The following GDPD5 variants were observed in gnomAD, a reference collection of about 807,000 sequenced individuals.
GDPD5 encodes glycerophosphodiester phosphodiesterase domain containing 5.
A neutral mutation model predicts 75.1 loss-of-function variants in GDPD5; 48 were observed. The observed-to-expected ratio is 0.64, with a 90% CI of 0.51 to 0.81. The LOEUF is 0.81. Among genes scored for constraint, GDPD5 ranks in the 40% least tolerant of loss-of-function variants. The pLI, the probability that GDPD5 is intolerant of heterozygous loss-of-function variation, is 0.00. For synonymous variants in GDPD5, 336 were observed against 339.0 expected, an observed-to-expected ratio of 0.99 and a Z score of 0.10; for missense variants, 706 against 822.6, an observed-to-expected ratio of 0.86 and a Z score of 1.73.
At chr11:75,486,044 C>T (rs1950016369) in intron 2 of GDPD5, among the ~76,000 whole-genome samples, 1 of 152,176 alleles carries the variant, frequency 6.6e-6, no homozygotes, top group South Asian at 2.1e-4. Flanking sequence ...TGAGTGACTG[C>T]CCCAAGCCTC....
At chr11:75,466,052 T>G (rs1949508387) in intron 3 of GDPD5, among the ~76,000 whole-genome samples, 1 of 152,068 alleles carries the variant, frequency 6.6e-6, no homozygotes, top group Non-Finnish European at 1.5e-5. Flanking sequence ...AGGGCAGGAA[T>G]GAGGGGCTGC....
intron 3 of GDPD5, among the ~76,000 whole-genome samples, chr11:75,465,958 G>T (rs1949506504): frequency 6.6e-6 from 1 of 152,262 alleles, no homozygotes; most frequent in South Asian, 2.1e-4. Context: ...GACCACAGGG[G>T]CCGGGAGGGC....
chr11:75,471,272 T>C (rs1002584860), intron 3 of GDPD5, among the ~76,000 whole-genome samples: 2 of 151,912 alleles, frequency 1.3e-5, no homozygotes, highest in Non-Finnish European at 2.9e-5. Flanking sequence ...TCCGGGAGAT[T>C]TGGGGGAGGT....
At chr11:75,506,053 G>C (rs1442443674) in intron 1 of GDPD5, among the ~76,000 whole-genome samples, 2 of 152,176 alleles carry the variant, frequency 1.3e-5, no homozygotes, top group African/African-American at 4.8e-5. Flanking sequence ...GTCCTCATCT[G>C]CATCATGGGG....
intron 1 of GDPD5, among the ~76,000 whole-genome samples, chr11:75,499,201 T>C (rs1323032630): frequency 1.3e-5 from 2 of 151,934 alleles, no homozygotes; most frequent in African/African-American, 4.8e-5. Flanking sequence ...AAGATCCCCA[T>C]CTTGCAAGCA....
intron 1 of GDPD5, among the ~76,000 whole-genome samples, chr11:75,510,325 G>A (rs891744125): frequency 6.6e-6 from 1 of 152,220 alleles, no homozygotes; most frequent in Non-Finnish European, 1.5e-5. Flanking sequence ...GACCACAAAT[G>A]TGAGGAACCC....
intron 2 of GDPD5, among the ~76,000 whole-genome samples, chr11:75,479,965 T>C (rs960845552): frequency 6.6e-6 from 1 of 152,220 alleles, no homozygotes; most frequent in African/African-American, 2.4e-5. Flanking sequence ...GATGGACATA[T>C]GGGTTGTTAT....
At chr11:75,481,652 C>T (rs542959341) in intron 2 of GDPD5, among the ~76,000 whole-genome samples, 4 of 152,130 alleles carry the variant, frequency 2.6e-5, no homozygotes, top group African/African-American at 9.6e-5. Context: ...CATAGGCACC[C>T]CCACATTCCC....
chr11:75,461,263 C>T (rs1949406755), intron 4 of GDPD5, among the ~76,000 whole-genome samples: 1 of 152,082 alleles, frequency 6.6e-6, no homozygotes, highest in Non-Finnish European at 1.5e-5. Flanking sequence ...GGGAACGTTC[C>T]CATTTACTCA....
intron 3 of GDPD5, among the ~76,000 whole-genome samples, chr11:75,468,973 T>C (rs567100128): frequency 6.6e-6 from 1 of 152,302 alleles, no homozygotes; most frequent in East Asian, 1.9e-4. Context: ...CGATTACAGA[T>C]GTAAGCTGTA....
chr11:75,466,729 T>C (rs1225554569), intron 3 of GDPD5, among the ~76,000 whole-genome samples: 2 of 152,220 alleles, frequency 1.3e-5, no homozygotes, highest in Non-Finnish European at 2.9e-5. Context: ...ACCATCAATG[T>C]GCATATTATG....
rs917655077 is a variant in GDPD5 at position 75,435,261 on chromosome 11, C to T, written c.*246G>A. On this transcript the variant is annotated 3_prime_UTR_variant, in exon 17 of 17. Transcript: ENST00000336898. ...CAGAAGAGGGGGACCAAGCCCTAGG[C>T]CCCATACTTCCCAGAAGGAGCCCCA... 18 of 443,248 alleles carry T rather than the reference C, an allele frequency of 4.1e-5. No homozygotes were observed. Among genetic ancestry groups the T allele is most frequent in the Non-Finnish European group, 5.7e-5 (14 of 246,956 alleles). 27.5% of individuals were successfully genotyped at this position (443,248 alleles called of 1,614,324 possible).
chr11:75,445,526 T>C (rs1346243504), intron 9 of GDPD5, among the ~76,000 whole-genome samples: 3 of 152,070 alleles, frequency 2.0e-5, no homozygotes, highest in Non-Finnish European at 2.9e-5. Flanking sequence ...AAACCAAGGA[T>C]TGGGCGAAGA....
intron 3 of GDPD5, among the ~76,000 whole-genome samples, chr11:75,466,761 G>C (rs558045431): frequency 6.6e-6 from 1 of 152,294 alleles, no homozygotes; most frequent in African/African-American, 2.4e-5. Flanking sequence ...GCACATGGCG[G>C]GCGGGTGTGT....
Position 75,449,530 on chromosome 11 carries a change from G to C in GDPD5, c.555C>G (p.Arg185=), listed in dbSNP as rs518611. Residue 185 remains arginine, a synonymous_variant, in exon 8 of 17, where the codon CGC becomes CGG. Coordinates refer to ENST00000336898, the MANE Select transcript of GDPD5 (RefSeq NM_030792.8). ...LSWIVAGQFA[R]AERTSSQVTI... Reference sequence around the variant, plus strand: ...AGTTCTACTCACAGGTCCGCTCTGCGCGGGCGAACTGTCCTGCCACGATCC... The same window carrying C: ...AGTTCTACTCACAGGTCCGCTCTGCCCGGGCGAACTGTCCTGCCACGATCC... 6.4e-7 allele frequency: 1 copy of C among 1,574,424 alleles called. No homozygotes were observed. Among genetic ancestry groups the C allele is most frequent in the African/African-American group, 1.3e-5 (1 of 74,384 alleles).
intron 14 of GDPD5, among the ~76,000 whole-genome samples, chr11:75,440,930 C>T (rs1245259175): frequency 6.6e-6 from 1 of 152,162 alleles, no homozygotes; most frequent in Non-Finnish European, 1.5e-5. Context: ...CTTTAGAGCC[C>T]TTAGTGATGC....
intron 1 of GDPD5, among the ~76,000 whole-genome samples, chr11:75,494,830 T>TA (rs1332428387): frequency 6.6e-6 from 1 of 151,892 alleles, no homozygotes. Flanking sequence ...CATGCGCCTG[T>TA]AATCCCAGCT....
intron 2 of GDPD5, among the ~76,000 whole-genome samples, chr11:75,480,278 A>G (rs534473428): frequency 3.9e-5 from 6 of 151,902 alleles, no homozygotes; most frequent in Admixed American, 1.3e-4. Context: ...GAGGTTGTCA[A>G]GATCGCACCA....
At position 75,443,262 on chromosome 11, in the gene GDPD5, C is replaced by T; in HGVS notation, c.822G>A (p.Met274Ile). 1 of 1,610,550 alleles carries T rather than the reference C, an allele frequency of 6.2e-7. No individual in the cohort carries two copies. The highest frequency in any genetic ancestry group is 1.1e-5 in the South Asian group (1 of 89,948). The part of the protein sequence containing the change: ...TISLDGVPFL[M>I]HDTTLRRTTN... The stretch of plus-strand genomic sequence containing the variant: ...TGGTGCGCCGCAGGGTGGTGTCATG[C>T]ATGAGGAAGGGCACGCCGTCCAGGC... The change falls in exon 11 of 17, where the codon ATG becomes ATA. Residue 274 changes from methionine to isoleucine, a missense_variant. Transcript: ENST00000336898.
Sources: allele counts gnomAD v4.1 joint callset (sites outside exome capture counted in the v4.1 genomes callset), GRCh38; gene constraint gnomAD v4.1.1; transcripts MANE v1.5; gene names NCBI Gene and HGNC (gene_info 2026-07-23, HGNC 2026-07-21).